The following PHF8 variants were observed in gnomAD, a reference collection of about 807,000 sequenced individuals.
PHF8 encodes histone lysine demethylase PHF8.
A neutral mutation model predicts 74.4 loss-of-function variants in PHF8; 9 were observed. The observed-to-expected ratio is 0.12, with a 90% CI of 0.07 to 0.21. The LOEUF (loss-of-function observed/expected upper bound fraction) is 0.21, where lower values mean the gene tolerates loss of function less well. Among genes scored for constraint, PHF8 ranks in the 10% least tolerant of loss-of-function variants. PHF8 has a pLI of 1.00. For missense variants in PHF8, 478 were observed against 816.6 expected (o/e 0.59, Z 5.05); for synonymous variants, 311 against 316.6 (o/e 0.98, Z 0.19).
At chrX:54,034,077 T>C (rs782505552) in intron 2 of PHF8, among the ~76,000 whole-genome samples, 3 of 111,156 alleles carry the variant, frequency 2.7e-5, no homozygotes, top group African/African-American at 9.8e-5. Flanking sequence ...AACAGCAGAA[T>C]GGAGAAAACA....
chrX:53,955,577 T>A (rs1376143910), intron 19 of PHF8, among the ~76,000 whole-genome samples: 4 of 102,879 alleles, frequency 3.9e-5, no homozygotes, highest in African/African-American at 1.4e-4. Flanking sequence ...TTTTTTTTTT[T>A]AATTTCTGCT....
intron 19 of PHF8, 133 bp downstream of exon 19, chrX:53,962,707 GCAGA>G (rs1458169448): frequency 5.8e-6 from 3 of 516,248 alleles, no homozygotes; most frequent in Non-Finnish European, 1.1e-5. Flanking sequence ...CTGACACACA[GCAGA>G]CACTCAACAA....
intron 7 of PHF8, among the ~76,000 whole-genome samples, chrX:54,011,910 T>C (rs2065989271): frequency 1.0e-5 from 1 of 98,377 alleles, no homozygotes. Flanking sequence ...GTAGCACAAA[T>C]ATATTCTCAC....
intron 18 of PHF8, among the ~76,000 whole-genome samples, chrX:53,984,354 A>T (rs1557098865): frequency 8.9e-6 from 1 of 112,150 alleles, no homozygotes; most frequent in Non-Finnish European, 1.9e-5. Flanking sequence ...TTAATGAGGG[A>T]GATTCTGTCT....
chrX:54,016,652 T>C lies in PHF8; in HGVS notation c.539A>G (p.Tyr180Cys). ...GAGGACTTTCTCCCTCTTCCCGCTG[T>C]AATAGTATTTCACAAAATCACCAAG... Reference protein sequence around the residue: ...MKLGDFVKYYYSGKREKVLNV... With the variant: ...MKLGDFVKYYCSGKREKVLNV... Residue 180 changes from tyrosine (Y) to cysteine (C), a missense_variant, in exon 6 of 22, where the codon TAC becomes TGC. Physicochemically the swap from Tyr to Cys is radical, Grantham distance 194 (BLOSUM62 -2). Transcript: ENST00000338154. 1 of 1,197,251 alleles carries C rather than the reference T, an allele frequency of 8.4e-7. No homozygotes were observed. The highest frequency in any genetic ancestry group is 1.1e-6 in the Non-Finnish European group (1 of 882,467).
At chrX:53,994,448 G>C (rs782633176) in intron 12 of PHF8, among the ~76,000 whole-genome samples, 56 of 112,604 alleles carry the variant, frequency 5.0e-4, no homozygotes, top group African/African-American at 1.8e-3. Context: ...AACAAGTGGA[G>C]CCCTGGGCCT....
intron 18 of PHF8, among the ~76,000 whole-genome samples, chrX:53,966,148 G>A (rs1420899264): frequency 2.7e-5 from 3 of 111,945 alleles, no homozygotes; most frequent in African/African-American, 9.7e-5. Flanking sequence ...GGTCAAAGAG[G>A]AGATCCCACA....
At chrX:54,003,757 A>G (rs1296504705) in intron 8 of PHF8, among the ~76,000 whole-genome samples, 1 of 112,279 alleles carries the variant, frequency 8.9e-6, no homozygotes, top group Non-Finnish European at 1.9e-5. Context: ...TGGTAAGTTC[A>G]GTCGGCCTAC....
At chrX:54,003,019 TAAC>T (rs1363323539) in intron 8 of PHF8, among the ~76,000 whole-genome samples, 5 of 112,209 alleles carry the variant, frequency 4.5e-5, no homozygotes, top group Non-Finnish European at 9.4e-5. Flanking sequence ...TCTGGGGTTC[TAAC>T]AATTTTTGAT....
chrX:53,982,841 AG>A (rs2065499904), intron 18 of PHF8, among the ~76,000 whole-genome samples: 2 of 112,715 alleles, frequency 1.8e-5, no homozygotes, highest in South Asian at 7.2e-4. Context: ...TACAAGTTTT[AG>A]GGGAAAATAT....
At chrX:53,946,122 T>A (rs1370647950) in intron 19 of PHF8, among the ~76,000 whole-genome samples, 1 of 112,526 alleles carries the variant, frequency 8.9e-6, no homozygotes. Context: ...CTACTAAATG[T>A]AGAAGGAATG....
chrX:54,010,839 T>C (rs1249244313), intron 8 of PHF8, among the ~76,000 whole-genome samples: 1 of 111,033 alleles, frequency 9.0e-6, no homozygotes, highest in African/African-American at 3.3e-5. Flanking sequence ...GCACTATCCC[T>C]AGAGTTACGG....
intron 18 of PHF8, among the ~76,000 whole-genome samples, chrX:53,974,636 T>C (rs187157974): frequency 3.5e-4 from 39 of 111,705 alleles, no homozygotes; most frequent in Admixed American, 7.7e-4. Context: ...GTATTCCCAA[T>C]AGCAAGGACA....
intron 8 of PHF8, among the ~76,000 whole-genome samples, chrX:54,009,825 AGAGT>A (rs1471097464): frequency 1.0e-4 from 8 of 80,082 alleles, no homozygotes; most frequent in Admixed American, 3.1e-4. Flanking sequence ...CCTGGGTGAC[AGAGT>A]GAGACTCTGT....
chrX:53,988,767 A>C (rs2065609409), intron 14 of PHF8, among the ~76,000 whole-genome samples: 1 of 108,106 alleles, frequency 9.3e-6, no homozygotes, highest in East Asian at 2.9e-4. Context: ...AAAAAAAAAA[A>C]AAATACTGTA....
intron 18 of PHF8, among the ~76,000 whole-genome samples, chrX:53,972,340 A>AAAAAG (rs1557094867): frequency 9.3e-6 from 1 of 106,994 alleles, no homozygotes; most frequent in Non-Finnish European, 1.9e-5. Flanking sequence ...AAAAAAAAAA[A>AAAAAG]AAAAGAAAAA....
chrX:54,022,219 G>A (rs1557110155), intron 4 of PHF8, 40 bp downstream of exon 4: 1 of 795,979 alleles, frequency 1.3e-6, no homozygotes, highest in Non-Finnish European at 1.9e-6. Flanking sequence ...GCTTCCCAGA[G>A]CCCTGGCATT....
At chrX:53,961,515 C>T (rs1264243474) in intron 19 of PHF8, among the ~76,000 whole-genome samples, 1 of 110,888 alleles carries the variant, frequency 9.0e-6, no homozygotes, top group African/African-American at 3.3e-5. Context: ...TTAGTAGAAA[C>T]GACGTTTCAC....
chrX:53,987,036 C>T (rs1557099756), intron 16 of PHF8, 42 bp downstream of exon 16: 6 of 815,081 alleles, frequency 7.4e-6, no homozygotes, highest in South Asian at 2.1e-5. Context: ...CTGTCTCTAT[C>T]ACCAGAATGA....
Sources: allele counts gnomAD v4.1 joint callset (sites outside exome capture counted in the v4.1 genomes callset), GRCh38; gene constraint gnomAD v4.1.1; transcripts MANE v1.5; gene names NCBI Gene and HGNC (gene_info 2026-07-23, HGNC 2026-07-21).